CCSER1: variants seen among roughly 807,000 people sequenced by gnomAD.
The protein encoded by CCSER1 is coiled-coil serine rich protein 1.
CCSER1 carries 41 observed loss-of-function variants against 82.0 expected under a neutral mutation model. That is an observed-to-expected ratio of 0.50 (90% CI 0.39 to 0.65). The LOEUF is 0.65. Among genes scored for constraint, CCSER1 ranks in the 30% least tolerant of loss-of-function variants. CCSER1 has a pLI of 0.00. For synonymous variants in CCSER1, 414 were observed against 383.9 expected, an observed-to-expected ratio of 1.08 and a Z score of -0.92; for missense variants, 1,119 against 1,064.2, an observed-to-expected ratio of 1.05 and a Z score of -0.72.
In CCSER1 at chr4:90,932,351, A is replaced by G. The variant is rs1316420747; in HGVS notation, c.2172+8904A>G. ...AGATTTGAATTTAAACTATCACATT[A>G]GAGGACATTTATTTAAAGTGTGGTC... On this transcript the variant is annotated intron_variant, in intron 9 of 10. Transcript: ENST00000509176. Among the ~76,000 whole-genome samples the G allele has an allele frequency of 2.0e-5, 3 of 152,174 alleles. No individual in the cohort carries two copies. In the East Asian group the frequency reaches 5.8e-4, roughly 29 times the overall value.
chr4:90,320,207 G>T (rs1381514090), intron 3 of CCSER1, among the ~76,000 whole-genome samples: 3 of 152,094 alleles, frequency 2.0e-5, no homozygotes, highest in Non-Finnish European at 4.4e-5. Flanking sequence ...GGAAAAATAG[G>T]CATCTAATAA....
chr4:90,295,095 A>T (rs1210369533), intron 1 of CCSER1, among the ~76,000 whole-genome samples: 1 of 151,986 alleles, frequency 6.6e-6, no homozygotes, highest in Non-Finnish European at 1.5e-5. Context: ...TTAGAATTTT[A>T]AAAATTCTCA....
chr4:91,484,822 C>T (rs762037500), intron 10 of CCSER1, among the ~76,000 whole-genome samples: 6 of 152,168 alleles, frequency 3.9e-5, no homozygotes, highest in Non-Finnish European at 8.8e-5. Flanking sequence ...GTCCAGTTAT[C>T]TGTGTTTTAA....
intron 8 of CCSER1, among the ~76,000 whole-genome samples, chr4:90,909,694 G>A (rs1037081393): frequency 2.0e-5 from 3 of 151,922 alleles, no homozygotes; most frequent in Admixed American, 2.0e-4. Flanking sequence ...CCCTCTTTAC[G>A]AGGCCTTTCT....
At chr4:90,293,498 T>C (rs1731304181) in intron 1 of CCSER1, among the ~76,000 whole-genome samples, 1 of 151,314 alleles carries the variant, frequency 6.6e-6, no homozygotes, top group Non-Finnish European at 1.5e-5. Flanking sequence ...GAATAAAAAA[T>C]TAACTTTACC....
intron 6 of CCSER1, among the ~76,000 whole-genome samples, chr4:90,637,182 T>C (rs1725581624): frequency 6.6e-6 from 1 of 152,128 alleles, no homozygotes; most frequent in South Asian, 2.1e-4. Flanking sequence ...CATGAATTCT[T>C]GGCTAAACTT....
At chr4:91,392,579 GATA>G (rs1451238890) in intron 10 of CCSER1, among the ~76,000 whole-genome samples, 2 of 152,002 alleles carry the variant, frequency 1.3e-5, no homozygotes, top group Admixed American at 6.6e-5. Flanking sequence ...TGATGTTTCT[GATA>G]ATAATTGTAT....
rs1734712908 is a variant in CCSER1 at position 90,308,512 on chromosome 4, T to G, written c.228T>G (p.Ser76Arg). Reference protein sequence around the residue: ...PSISFHHKKGSEPKQEPTNQN... With the variant: ...PSISFHHKKGREPKQEPTNQN... ...TTAGCTTCCACCATAAGAAGGGGAGTGAGCCTAAGCAAGAGCCTACCAACC... is the reference window on the plus strand; with the variant it reads ...TTAGCTTCCACCATAAGAAGGGGAGGGAGCCTAAGCAAGAGCCTACCAACC... The change falls in exon 2 of 11, where the codon AGT becomes AGG. Residue 76 changes from serine to arginine, a missense_variant. By Grantham distance (110) the Ser-to-Arg change is moderately radical (BLOSUM62 -1). Transcript: ENST00000509176. 1.9e-6 allele frequency: 3 copies of G among 1,613,318 alleles called. No homozygotes were observed. Among genetic ancestry groups the G allele is most frequent in the Non-Finnish European group, 2.5e-6 (3 of 1,179,798 alleles).
intron 1 of CCSER1, among the ~76,000 whole-genome samples, chr4:90,143,233 C>A (rs1423437454): frequency 6.6e-6 from 1 of 152,068 alleles, no homozygotes; most frequent in Non-Finnish European, 1.5e-5. Context: ...AATGGTCTCC[C>A]ATTCCTGCCG....
chr4:90,667,442 C>T (rs1292806310), intron 6 of CCSER1, among the ~76,000 whole-genome samples: 2 of 152,078 alleles, frequency 1.3e-5, no homozygotes, highest in Non-Finnish European at 2.9e-5. Context: ...TTGCTGCACC[C>T]ATCAACCCAT....
At chr4:90,199,338 C>CT (rs555900620) in intron 1 of CCSER1, among the ~76,000 whole-genome samples, 1 of 152,070 alleles carries the variant, frequency 6.6e-6, no homozygotes, top group Non-Finnish European at 1.5e-5. Flanking sequence ...TTGTTATTTA[C>CT]TTTTTCTCTA....
chr4:91,347,821 T>C (rs1387573586), intron 10 of CCSER1, among the ~76,000 whole-genome samples: 3 of 151,814 alleles, frequency 2.0e-5, no homozygotes, highest in African/African-American at 7.3e-5. Flanking sequence ...ATTAGTCTTA[T>C]ATCCTCCAAT....
chr4:90,131,441 A>G (rs535967043), intron 1 of CCSER1, among the ~76,000 whole-genome samples: 1 of 152,308 alleles, frequency 6.6e-6, no homozygotes, highest in Non-Finnish European at 1.5e-5. Context: ...ACCTCTTTAT[A>G]GTGAGGTGTT....
intron 9 of CCSER1, among the ~76,000 whole-genome samples, chr4:91,003,037 G>A (rs1179233766): frequency 6.6e-6 from 1 of 152,150 alleles, no homozygotes; most frequent in Non-Finnish European, 1.5e-5. Context: ...TAGCCACCCA[G>A]TAGGTCTACC....
intron 10 of CCSER1, among the ~76,000 whole-genome samples, chr4:91,172,152 A>G (rs72872964): frequency 3.3e-5 from 5 of 152,174 alleles, no homozygotes; most frequent in Non-Finnish European, 5.9e-5. Context: ...TTGCAACGTC[A>G]TATCACATAT....
At chr4:90,506,329 C>A (rs1178471202) in intron 5 of CCSER1, among the ~76,000 whole-genome samples, 1 of 151,888 alleles carries the variant, frequency 6.6e-6, no homozygotes, top group Non-Finnish European at 1.5e-5. Flanking sequence ...GAGCAAAATT[C>A]TAGTAAAGAA....
intron 10 of CCSER1, among the ~76,000 whole-genome samples, chr4:91,329,093 T>G (rs1286586805): frequency 6.6e-6 from 1 of 152,212 alleles, no homozygotes; most frequent in East Asian, 1.9e-4. Context: ...AGTTTTATCT[T>G]TATTAGCAGA....
intron 7 of CCSER1, among the ~76,000 whole-genome samples, chr4:90,766,536 C>T (rs1419750928): frequency 1.3e-5 from 2 of 152,076 alleles, no homozygotes; most frequent in African/African-American, 4.8e-5. Flanking sequence ...CTCAACTACT[C>T]AGGAGGCTGA....
At chr4:90,229,300 A>G (rs1578620616) in intron 1 of CCSER1, among the ~76,000 whole-genome samples, 1 of 152,330 alleles carries the variant, frequency 6.6e-6, no homozygotes. Context: ...GCCAGAAGAG[A>G]GTGGGGGCCA....
Sources: gnomAD v4.1 joint callset for allele counts (sites outside exome capture counted in the v4.1 genomes callset) on GRCh38, gnomAD v4.1.1 for gene constraint, MANE v1.5 for transcripts, NCBI Gene and HGNC (gene_info 2026-07-23, HGNC 2026-07-21) for gene names.